MAD1L1: variants seen among roughly 807,000 people sequenced by gnomAD.
MAD1L1 encodes the protein mitotic spindle assembly checkpoint protein MAD1.
A neutral mutation model predicts 96.9 loss-of-function variants in MAD1L1; 95 were observed. The observed-to-expected ratio is 0.98, with a 90% CI of 0.83 to 1.16. The LOEUF is 1.16. Among genes scored for constraint, MAD1L1 ranks in the 50% most tolerant of loss-of-function variants. MAD1L1 has a pLI of 0.00. For missense variants in MAD1L1, 1,007 were observed against 954.4 expected (o/e 1.06, Z -0.73); for synonymous variants, 473 against 396.6 (o/e 1.19, Z -2.29).
chr7:2,081,175 A>G (rs958023451), intron 11 of MAD1L1, among the ~76,000 whole-genome samples: 1 of 151,002 alleles, frequency 6.6e-6, no homozygotes, highest in Admixed American at 6.6e-5. Context: ...TTGGAAACAG[A>G]TATGGACAGA....
intron 12 of MAD1L1, among the ~76,000 whole-genome samples, chr7:2,068,434 T>TA (rs1784979887): frequency 6.6e-6 from 1 of 152,116 alleles, no homozygotes; most frequent in South Asian, 2.1e-4. Flanking sequence ...CAAGAACAGG[T>TA]AAACATCCAT....
intron 11 of MAD1L1, among the ~76,000 whole-genome samples, chr7:2,143,203 C>G (rs142160638): frequency 1.3e-5 from 2 of 151,846 alleles, no homozygotes; most frequent in African/African-American, 4.8e-5. Flanking sequence ...CAGAAAGACT[C>G]GCTCGGAGAG....
At chr7:2,176,326 T>TC (rs1790944876) in intron 10 of MAD1L1, among the ~76,000 whole-genome samples, 1 of 151,656 alleles carries the variant, frequency 6.6e-6, no homozygotes, top group African/African-American at 2.4e-5. Flanking sequence ...CCAGACTGGG[T>TC]GAAGAGTGAG....
At chr7:2,097,976 C>T (rs113889661) in intron 11 of MAD1L1, among the ~76,000 whole-genome samples, 2,014 of 152,326 alleles carry the variant, frequency 0.013, 22 homozygotes, top group Non-Finnish European at 0.023. Context: ...CTCAGCAGCG[C>T]GGTGTCGCAC....
chr7:1,924,390 C>A (rs1379015944), intron 17 of MAD1L1, among the ~76,000 whole-genome samples: 1 of 152,214 alleles, frequency 6.6e-6, no homozygotes, highest in Non-Finnish European at 1.5e-5. Context: ...AAGCCTCTCT[C>A]ATCTGCACGG....
chr7:2,062,653 G>A (rs1325562993), intron 12 of MAD1L1, among the ~76,000 whole-genome samples: 1 of 152,150 alleles, frequency 6.6e-6, no homozygotes, highest in African/African-American at 2.4e-5. Context: ...CAGGCACGAG[G>A]GTCTTGCTGG....
chr7:2,014,451 C>T (rs548575266), intron 13 of MAD1L1, 51 bp downstream of exon 13: 24 of 1,515,470 alleles, frequency 1.6e-5, no homozygotes, highest in East Asian at 1.2e-4. Context: ...CAAGGCCCAC[C>T]GGGAAGAAGC....
intron 10 of MAD1L1, among the ~76,000 whole-genome samples, chr7:2,163,160 C>G (rs1445254152): frequency 6.6e-6 from 1 of 152,106 alleles, no homozygotes; most frequent in Non-Finnish European, 1.5e-5. Context: ...AGGCACAAAC[C>G]GGCACATTAA....
chr7:2,153,106 A>T (rs986047358), intron 10 of MAD1L1, among the ~76,000 whole-genome samples: 1 of 152,184 alleles, frequency 6.6e-6, no homozygotes, highest in Non-Finnish European at 1.5e-5. Flanking sequence ...CAAGGAAAAC[A>T]CTTCAGGACA....
At chr7:1,924,839 C>T (rs778108169) in intron 17 of MAD1L1, among the ~76,000 whole-genome samples, 10 of 152,036 alleles carry the variant, frequency 6.6e-5, no homozygotes, top group Non-Finnish European at 1.3e-4. Flanking sequence ...GAGAAGCCTA[C>T]GTCGTGGTGA....
intron 16 of MAD1L1, among the ~76,000 whole-genome samples, chr7:1,946,100 C>G (rs557518071): frequency 6.6e-6 from 1 of 152,202 alleles, no homozygotes; most frequent in Non-Finnish European, 1.5e-5. Flanking sequence ...GTGGGGTGGG[C>G]TCTGCAGCCC....
At chr7:2,220,041 AC>A (rs1208931694) in intron 5 of MAD1L1, among the ~76,000 whole-genome samples, 1 of 152,130 alleles carries the variant, frequency 6.6e-6, no homozygotes, top group Non-Finnish European at 1.5e-5. Flanking sequence ...CTTCCCTCCA[AC>A]CGTGGCTCCT....
intron 14 of MAD1L1, among the ~76,000 whole-genome samples, chr7:1,988,714 C>T (rs147875171): frequency 6.6e-6 from 1 of 152,326 alleles, no homozygotes; most frequent in East Asian, 1.9e-4. Context: ...GGGCCGTGAT[C>T]CCACGGCAAA....
intron 18 of MAD1L1, among the ~76,000 whole-genome samples, chr7:1,856,012 C>T (rs1048572954): frequency 4.6e-5 from 7 of 152,178 alleles, no homozygotes; most frequent in African/African-American, 7.2e-5. Context: ...CCTCGCGGTG[C>T]GCTCACGTGG....
In MAD1L1 at chr7:2,057,219, G is replaced by A. The variant is rs565484384; in HGVS notation, c.1218+11975C>T. On this transcript the variant is annotated intron_variant, in intron 12 of 18. Transcript: ENST00000265854. Reference sequence around the variant, plus strand: ...ACCTAAATGTGCCAGGCTCACAGGAGACGCACAGTAAGAATCTGGGGAATG... The same window carrying A: ...ACCTAAATGTGCCAGGCTCACAGGAAACGCACAGTAAGAATCTGGGGAATG... 2.0e-5 allele frequency among the ~76,000 whole-genome samples: 3 copies of A among 152,354 alleles called. 1 individual carries two copies. Among genetic ancestry groups the A allele is most frequent in the African/African-American group, 7.2e-5 (3 of 41,582 alleles).
At chr7:2,118,716 G>T (rs150616265) in intron 11 of MAD1L1, among the ~76,000 whole-genome samples, 111 of 152,262 alleles carry the variant, frequency 7.3e-4, no homozygotes, top group African/African-American at 2.5e-3. Flanking sequence ...GGTTCATGCC[G>T]CCAAGGAGCA....
chr7:2,125,577 C>T (rs144196371), intron 11 of MAD1L1, among the ~76,000 whole-genome samples: 15 of 152,326 alleles, frequency 9.8e-5, no homozygotes, highest in African/African-American at 3.4e-4. Flanking sequence ...CCAATTCTAG[C>T]TACAACCCCC....
At position 2,146,581 on chromosome 7, in the gene MAD1L1, C is replaced by T. The variant is rs545041309; in HGVS notation, c.1073+2571G>A. Among the ~76,000 whole-genome samples the T allele has an allele frequency of 6.6e-6, 1 of 152,348 alleles. No homozygotes were observed. The highest frequency in any genetic ancestry group is 1.9e-4 in the East Asian group (1 of 5,178). The stretch of plus-strand genomic sequence containing the variant: ...TGGTCCGCACAGACGAGGGAAAATG[C>T]CCAGCAGCTGCTCTCATGACCCGTG... On this transcript the variant is annotated intron_variant, in intron 11 of 18. Coordinates refer to ENST00000265854, the MANE Select transcript of MAD1L1 (RefSeq NM_001013836.2). The surrounding 1 kb of genome is among the most constrained non-coding windows in gnomAD (Gnocchi z 6.2).
In MAD1L1 at chr7:2,112,126, T is replaced by G. The variant is rs533228628; in HGVS notation, c.1073+37026A>C. Among the ~76,000 whole-genome samples the G allele has an allele frequency of 3.3e-5, 5 of 152,072 alleles. No individual in the cohort carries two copies. In the South Asian group the frequency reaches 1.0e-3, roughly 32 times the overall value. On this transcript the variant is annotated intron_variant, in intron 11 of 18. Coordinates refer to ENST00000265854, the MANE Select transcript of MAD1L1 (RefSeq NM_001013836.2). The stretch of plus-strand genomic sequence containing the variant: ...GCGGTGAGTCCCAAATGCACCTCCA[T>G]GAGCCAAAGATGCCATATTTGTATG...
Sources: gnomAD v4.1 joint callset for allele counts (sites outside exome capture counted in the v4.1 genomes callset) on GRCh38, gnomAD v4.1.1 for gene constraint, Gnocchi (gnomAD v3.1) non-coding constraint, MANE v1.5 for transcripts, NCBI Gene and HGNC (gene_info 2026-07-23, HGNC 2026-07-21) for gene names.